ZFYVE9: variants seen among roughly 807,000 people sequenced by gnomAD.
The protein encoded by ZFYVE9 is zinc finger FYVE domain-containing protein 9.
Under a neutral mutation model 126.7 loss-of-function variants are expected in ZFYVE9, and 43 were observed. The observed-to-expected ratio is 0.34, with a 90% CI of 0.27 to 0.44. ZFYVE9 has a LOEUF of 0.44. Ranked by LOEUF, ZFYVE9 falls within the 20% of genes least tolerant of loss-of-function variation. The probability of loss-of-function intolerance (pLI) is 1.00; values close to 1 mark genes in which losing one functional copy is unlikely to be tolerated. For synonymous variants in ZFYVE9, 521 were observed against 597.4 expected (o/e 0.87, Z 1.87); for missense variants, 1,476 against 1,697.0 (o/e 0.87, Z 2.29).
At chr1:52,261,603 G>T (rs1336705277) in intron 4 of ZFYVE9, among the ~76,000 whole-genome samples, 1 of 152,126 alleles carries the variant, frequency 6.6e-6, no homozygotes, top group Non-Finnish European at 1.5e-5. Context: ...TATTAGAAAG[G>T]TTATTGAAGG....
At chr1:52,330,718 A>C (rs1468742482) in intron 13 of ZFYVE9, among the ~76,000 whole-genome samples, 1 of 152,002 alleles carries the variant, frequency 6.6e-6, no homozygotes, top group Non-Finnish European at 1.5e-5. Context: ...TGTTTTTATC[A>C]GTGGGGTCTT....
chr1:52,202,253 A>G (rs372679097), intron 1 of ZFYVE9, among the ~76,000 whole-genome samples: 5,432 of 148,532 alleles, frequency 0.037, 241 homozygotes, highest in African/African-American at 0.11. Context: ...TCTTTTCTTT[A>G]CTCCTCCGTA....
intron 2 of ZFYVE9, among the ~76,000 whole-genome samples, chr1:52,219,751 G>T (rs796813278): frequency 3.1e-3 from 81 of 26,074 alleles, no homozygotes; most frequent in African/African-American, 0.013. Context: ...AAGATCTTTT[G>T]TGTGTGTGTG....
rs769946024 is a variant in ZFYVE9 at position 52,238,467 on chromosome 1, A to C, written c.1050A>C (p.Gly350=). The part of the protein sequence containing the change: ...LLKPDMPNGS[G]RNNDCERCSD... ...AACCAGACATGCCTAATGGGTCTGG[A>C]AGGAATAATGACTGTGAACGGTGTT... The change falls in exon 4 of 19, where the codon GGA becomes GGC. Residue 350 remains glycine, a synonymous_variant. Coordinates refer to ENST00000287727, the MANE Select transcript of ZFYVE9 (RefSeq NM_004799.4). 2 of 1,613,998 alleles carry C rather than the reference A, an allele frequency of 1.2e-6. No individual in the cohort carries two copies. The highest frequency in any genetic ancestry group is 1.7e-6 in the Non-Finnish European group (2 of 1,179,986).
At chr1:52,194,219 C>T (rs1644840916) in intron 1 of ZFYVE9, among the ~76,000 whole-genome samples, 2 of 151,898 alleles carry the variant, frequency 1.3e-5, no homozygotes, top group Non-Finnish European at 2.9e-5. Context: ...GATGAAAGAG[C>T]GAAGCAAACA....
At chr1:52,196,659 G>T (rs1644863589) in intron 1 of ZFYVE9, among the ~76,000 whole-genome samples, 1 of 152,026 alleles carries the variant, frequency 6.6e-6, no homozygotes, top group South Asian at 2.1e-4. Context: ...TAAATTGGAG[G>T]TCATGATAAA....
intron 1 of ZFYVE9, among the ~76,000 whole-genome samples, chr1:52,209,312 A>G (rs2124583442): frequency 6.6e-6 from 1 of 152,064 alleles, no homozygotes. Context: ...AAAAAATAAT[A>G]TGGATGAAGA....
chr1:52,196,098 G>A (rs980022625), intron 1 of ZFYVE9, among the ~76,000 whole-genome samples: 3 of 151,980 alleles, frequency 2.0e-5, no homozygotes, highest in Non-Finnish European at 2.9e-5. Flanking sequence ...GGCCAGTATA[G>A]TCTTATATTT....
At chr1:52,280,999 G>T (rs917315655) in intron 9 of ZFYVE9, among the ~76,000 whole-genome samples, 2 of 151,994 alleles carry the variant, frequency 1.3e-5, no homozygotes, top group African/African-American at 4.8e-5. Flanking sequence ...ATCACGTTTG[G>T]CTTACAATAC....
chr1:52,256,897 G>A lies in ZFYVE9; in HGVS notation c.2179-6876G>A, dbSNP rs559618095. Among the ~76,000 whole-genome samples the A allele has an allele frequency of 2.0e-5, 3 of 152,244 alleles. No individual in the cohort carries two copies. In the East Asian group the frequency reaches 5.8e-4, roughly 29 times the overall value. ...ACAGCTGGACACTGGTCAGTTCTATGCACTCTCCTCTCCTGTTTTTATTAT... is the reference window on the plus strand; with the variant it reads ...ACAGCTGGACACTGGTCAGTTCTATACACTCTCCTCTCCTGTTTTTATTAT... On this transcript the variant is annotated intron_variant, in intron 4 of 18. Coordinates refer to ENST00000287727, the MANE Select transcript of ZFYVE9 (RefSeq NM_004799.4).
At position 52,224,281 on chromosome 1, in the gene ZFYVE9, A is replaced by G. The variant is rs12035155; in HGVS notation, c.-37+7807A>G. ...GGCCCATGGGGCAGGGTTATATGGG[A>G]GAGGAACTGAGTGTTCAGCTTGGGG... On this transcript the variant is annotated intron_variant, in intron 2 of 18. Coordinates refer to ENST00000287727, the MANE Select transcript of ZFYVE9 (RefSeq NM_004799.4). Among the ~76,000 whole-genome samples, 1,384 of 151,630 alleles carry G rather than the reference A, an allele frequency of 9.1e-3. 65 individuals carry two copies. The East Asian group carries it at 0.12, about 13-fold the overall frequency.
intron 1 of ZFYVE9, among the ~76,000 whole-genome samples, chr1:52,193,028 T>C (rs916027421): frequency 6.6e-6 from 1 of 152,180 alleles, no homozygotes; most frequent in African/African-American, 2.4e-5. Flanking sequence ...GGCACAAGAA[T>C]AGATGTCCAA....
At chr1:52,170,183 A>G (rs1321811090) in intron 1 of ZFYVE9, among the ~76,000 whole-genome samples, 1 of 152,156 alleles carries the variant, frequency 6.6e-6, no homozygotes, top group Non-Finnish European at 1.5e-5. Flanking sequence ...GAACATACTA[A>G]TATTTGTAAA....
chr1:52,202,372 C>G (rs939681595), intron 1 of ZFYVE9, among the ~76,000 whole-genome samples: 1 of 151,982 alleles, frequency 6.6e-6, no homozygotes, highest in Non-Finnish European at 1.5e-5. Context: ...CTCCACCTCC[C>G]AGGCTCAAAT....
chr1:52,204,683 C>T (rs7545181), intron 1 of ZFYVE9, among the ~76,000 whole-genome samples: 14 of 152,034 alleles, frequency 9.2e-5, no homozygotes, highest in East Asian at 3.9e-4. Context: ...GCTGAGATCT[C>T]GCCACTGCAC....
chr1:52,190,885 G>C (rs1644810241), intron 1 of ZFYVE9, among the ~76,000 whole-genome samples: 1 of 152,022 alleles, frequency 6.6e-6, no homozygotes, highest in South Asian at 2.1e-4. Context: ...ACTATATCTG[G>C]CTTGACAGGA....
Position 52,210,618 on chromosome 1 carries a change from C to T in ZFYVE9, c.-142-5751C>T, listed in dbSNP as rs1026423233. Among the ~76,000 whole-genome samples the T allele has an allele frequency of 2.6e-5, 4 of 152,084 alleles. 1 individual carries two copies. The highest frequency in any genetic ancestry group is 5.9e-5 in the Non-Finnish European group (4 of 68,018). On this transcript the variant is annotated intron_variant, in intron 1 of 18. Transcript: ENST00000287727. ...AACAATTTAATTATCTCTCATGGTT[C>T]TGGGGATTGATTGGGCTTACTTAAT...
At chr1:52,309,600 G>A (rs528281448) in intron 13 of ZFYVE9, among the ~76,000 whole-genome samples, 3 of 152,292 alleles carry the variant, frequency 2.0e-5, no homozygotes, top group African/African-American at 4.8e-5. Flanking sequence ...ACAACAAAGT[G>A]CCTAGCAAAG....
chr1:52,297,542 A>G (rs1177016452), intron 12 of ZFYVE9, among the ~76,000 whole-genome samples: 1 of 151,720 alleles, frequency 6.6e-6, no homozygotes, highest in Non-Finnish European at 1.5e-5. Context: ...CCCAGCCAAA[A>G]CACTTCTTAA....
Sources: gnomAD v4.1 joint callset for allele counts (sites outside exome capture counted in the v4.1 genomes callset) on GRCh38, gnomAD v4.1.1 for gene constraint, MANE v1.5 for transcripts, NCBI Gene and HGNC (gene_info 2026-07-23, HGNC 2026-07-21) for gene names.